Variants in TNRC6A observed in about 807,000 individuals in gnomAD.
TNRC6A encodes the protein trinucleotide repeat containing adaptor 6A, also known as trinucleotide repeat-containing gene 6A protein.
Under a neutral mutation model 221.2 loss-of-function variants are expected in TNRC6A, and 44 were observed. The ratio of observed to expected loss-of-function variants is 0.20; its 90% CI spans 0.16 to 0.26. TNRC6A has a LOEUF of 0.26. Among genes scored for constraint, TNRC6A ranks in the 10% least tolerant of loss-of-function variants. The pLI, the probability that TNRC6A is intolerant of heterozygous loss-of-function variation, is 1.00. For synonymous variants in TNRC6A, 847 were observed against 838.5 expected (o/e 1.01, Z -0.18); for missense variants, 2,199 against 2,404.4 (o/e 0.91, Z 1.79).
intron 1 of TNRC6A, among the ~76,000 whole-genome samples, chr16:24,623,478 G>C (rs1383877260): frequency 3.3e-5 from 5 of 152,112 alleles, no homozygotes; most frequent in Non-Finnish European, 5.9e-5. Flanking sequence ...ATCAGGCTGG[G>C]TCATTCTTCA....
chr16:24,702,177 T>TTTC (rs139630325), intron 2 of TNRC6A, among the ~76,000 whole-genome samples: 33,644 of 111,290 alleles, frequency 0.3, 5,111 homozygotes, highest in East Asian at 0.33. Flanking sequence ...TCTTTTTTCT[T>TTTC]TTTTCTTTTT....
chr16:24,750,012 T>C lies in TNRC6A; in HGVS notation c.54-714T>C, dbSNP rs189293179. 6.8e-4 allele frequency among the ~76,000 whole-genome samples: 104 copies of C among 152,120 alleles called. 1 individual carries two copies. Among genetic ancestry groups the C allele is most frequent in the African/African-American group, 2.4e-3 (101 of 41,506 alleles). ...AAAATTAGCCAGGCATGGTGGCAGG[T>C]ACTTGTAAACCCGGCTACTCGGGAG... is the stretch of plus-strand genomic sequence containing the variant. On this transcript the variant is annotated intron_variant, in intron 2 of 24. Coordinates refer to ENST00000395799, the MANE Select transcript of TNRC6A (RefSeq NM_014494.4).
chr16:24,656,717 G>T (rs1173516115), intron 2 of TNRC6A, among the ~76,000 whole-genome samples: 1 of 152,014 alleles, frequency 6.6e-6, no homozygotes, highest in African/African-American at 2.4e-5. Flanking sequence ...GGGGAAAGAG[G>T]AAATTAAAAT....
rs780156418 is a variant in TNRC6A, at chr16:24,804,838, A to G, written c.3971A>G (p.Asn1324Ser). 1.2e-5 allele frequency: 20 copies of G among 1,612,776 alleles called. No homozygotes were observed. The highest frequency in any genetic ancestry group is 1.5e-5 in the Non-Finnish European group (18 of 1,179,758). Residue 1324 changes from asparagine to serine, a missense_variant, in exon 13 of 25, where the codon AAT becomes AGT. This residue lies in a region of TNRC6A where 449 missense variants were observed against 579.7 expected (regional missense o/e 0.77). Coordinates refer to ENST00000395799, the MANE Select transcript of TNRC6A (RefSeq NM_014494.4). Reference sequence around the variant, plus strand: ...GCAGGGCTGGGTATGCAAAACTTGAATTCTGTTAGACAGGTAAGTCCAGAT... The same window carrying G: ...GCAGGGCTGGGTATGCAAAACTTGAGTTCTGTTAGACAGGTAAGTCCAGAT... Reference protein sequence around the residue: ...SIAGLGMQNLNSVRQNGNPSM... With the variant: ...SIAGLGMQNLSSVRQNGNPSM...
chr16:24,626,435 T>C (rs1438763708), intron 1 of TNRC6A, among the ~76,000 whole-genome samples: 3 of 152,090 alleles, frequency 2.0e-5, no homozygotes, highest in East Asian at 1.9e-4. Context: ...TGAAATTTCA[T>C]AACAGATATC....
intron 4 of TNRC6A, among the ~76,000 whole-genome samples, chr16:24,761,881 ATAAG>A (rs150914171): frequency 0.022 from 3,344 of 152,254 alleles, 82 homozygotes; most frequent in Non-Finnish European, 0.031. Flanking sequence ...TTTCAAAAGA[ATAAG>A]TAAGCACTGT....
At chr16:24,720,814 T>C (rs2056397552) in intron 2 of TNRC6A, among the ~76,000 whole-genome samples, 1 of 147,108 alleles carries the variant, frequency 6.8e-6, no homozygotes, top group South Asian at 2.1e-4. Flanking sequence ...GGCGGGTGGA[T>C]CACGAGGTCA....
At chr16:24,764,126 T>C (rs1355489020) in intron 4 of TNRC6A, among the ~76,000 whole-genome samples, 1 of 151,250 alleles carries the variant, frequency 6.6e-6, no homozygotes, top group African/African-American at 2.4e-5. Context: ...TATTCTGTTC[T>C]CTGTTTCTAT....
chr16:24,773,000 GTTAT>G (rs1251356030), intron 4 of TNRC6A, among the ~76,000 whole-genome samples: 1 of 151,854 alleles, frequency 6.6e-6, no homozygotes, highest in East Asian at 1.9e-4. Flanking sequence ...ATTGCCGAAG[GTTAT>G]TTTTTTCCAT....
At chr16:24,747,749 A>G (rs1166536080) in intron 2 of TNRC6A, among the ~76,000 whole-genome samples, 2 of 152,172 alleles carry the variant, frequency 1.3e-5, no homozygotes, top group Admixed American at 6.5e-5. Context: ...TGCTTACAGT[A>G]TCGGCTGATA....
intron 2 of TNRC6A, among the ~76,000 whole-genome samples, chr16:24,731,650 G>A (rs2056645765): frequency 6.6e-6 from 1 of 152,198 alleles, no homozygotes; most frequent in Admixed American, 6.5e-5. Context: ...AGAGCTTAGA[G>A]GTCTGTTTCT....
chr16:24,622,377 G>A (rs538470024), intron 1 of TNRC6A, among the ~76,000 whole-genome samples: 124 of 152,300 alleles, frequency 8.1e-4, no homozygotes, highest in Middle Eastern at 3.4e-3. Context: ...AAGGCAGGTG[G>A]ATCACCTGAG....
chr16:24,619,438 AAGT>A (rs766657312), intron 1 of TNRC6A, among the ~76,000 whole-genome samples: 1 of 152,214 alleles, frequency 6.6e-6, no homozygotes, highest in Non-Finnish European at 1.5e-5. Context: ...ATAAGTCAAT[AAGT>A]AGAGTCAACT....
At chr16:24,733,445 G>A (rs543078501) in intron 2 of TNRC6A, among the ~76,000 whole-genome samples, 1 of 152,158 alleles carries the variant, frequency 6.6e-6, no homozygotes, top group East Asian at 1.9e-4. Context: ...ATTCACAGTT[G>A]GCCATTAAAA....
chr16:24,627,144 C>T (rs901347919), intron 1 of TNRC6A, among the ~76,000 whole-genome samples: 5 of 151,972 alleles, frequency 3.3e-5, no homozygotes, highest in Admixed American at 6.6e-5. Context: ...TGGGGTACTG[C>T]TCACCTGCCG....
chr16:24,692,218 T>C lies in TNRC6A; in HGVS notation n.402+51209T>C, dbSNP rs56845868. 3.8e-3 allele frequency among the ~76,000 whole-genome samples: 572 copies of C among 152,266 alleles called. 3 individuals are homozygous for C. Among genetic ancestry groups the C allele is most frequent in the African/African-American group, 0.013 (528 of 41,562 alleles). On this transcript the variant is annotated intron_variant and non_coding_transcript_variant, in intron 2 of 2. Transcript: ENST00000566108. Reference sequence around the variant, plus strand: ...TAAGCAGCAAAGATCTTCATCCTTCTTGGTCTATTTCTGGCCTCCAACAAA... The same window carrying C: ...TAAGCAGCAAAGATCTTCATCCTTCCTGGTCTATTTCTGGCCTCCAACAAA...
chr16:24,771,516 C>CATGTTATGTTACGTT (rs2057591004), intron 4 of TNRC6A, among the ~76,000 whole-genome samples: 1 of 88,048 alleles, frequency 1.1e-5, no homozygotes, highest in Non-Finnish European at 2.2e-5. Context: ...GAGCCTGGTG[C>CATGTTATGTTACGTT]ATGTTATGTT....
intron 2 of TNRC6A, chr16:24,663,732 G>C (rs1451917469): frequency 2.8e-6 from 1 of 352,834 alleles, no homozygotes; most frequent in Non-Finnish European, 5.6e-6. Context: ...ACTCACCTGA[G>C]CCTTAGTGTC....
In TNRC6A at chr16:24,788,613, G is replaced by A. The variant is rs72770406; in HGVS notation, c.590-619G>A. Among the ~76,000 whole-genome samples the A allele has an allele frequency of 8.3e-3, 1,250 of 151,200 alleles. 10 individuals carry two copies. Among genetic ancestry groups the A allele is most frequent in the Middle Eastern group, 0.041 (12 of 290 alleles). On this transcript the variant is annotated intron_variant, in intron 5 of 24. Transcript: ENST00000395799. Reference sequence around the variant, plus strand: ...CTGGGTTGTTCCGTTATCCTAATGCGTAGCTGCCTCCTAGACCTTCTTGAC... The same window carrying A: ...CTGGGTTGTTCCGTTATCCTAATGCATAGCTGCCTCCTAGACCTTCTTGAC...
Sources: allele counts gnomAD v4.1 joint callset (sites outside exome capture counted in the v4.1 genomes callset), GRCh38; gene constraint gnomAD v4.1.1; regional missense constraint gnomAD v4.1.1; transcripts MANE v1.5; gene names NCBI Gene and HGNC (gene_info 2026-07-23, HGNC 2026-07-21).